The following MARK4 variants were observed in gnomAD, a reference collection of about 807,000 sequenced individuals.
The protein encoded by MARK4 is MAP/microtubule affinity-regulating kinase 4.
In MARK4, 19 loss-of-function variants were observed where a neutral mutation model predicts 81.5. The observed-to-expected ratio is 0.23, with a 90% CI of 0.16 to 0.34. The LOEUF is 0.34. MARK4 is among the 10% of genes least tolerant of loss of function. MARK4 has a pLI of 1.00. For missense variants in MARK4, 772 were observed against 1,058.8 expected (o/e 0.73, Z 3.76); for synonymous variants, 436 against 439.0 (o/e 0.99, Z 0.08).
intron 8 of MARK4, among the ~76,000 whole-genome samples, chr19:45,272,182 A>G (rs1970537196): frequency 6.6e-6 from 1 of 152,078 alleles, no homozygotes; most frequent in African/African-American, 2.4e-5. Flanking sequence ...AAATACAAAA[A>G]TTAACCGGGC....
intron 15 of MARK4, 108 bp downstream of exon 15, chr19:45,298,062 CTCCTCCTCCTCCTCGTT>C: frequency 1.3e-6 from 2 of 1,522,866 alleles, no homozygotes. Context: ...CCTCTTCCTC[CTCCTCCTCCTCCTCGTT>C]TCCTCCTCCT....
chr19:45,283,752 G>A (rs1970707702), intron 12 of MARK4, among the ~76,000 whole-genome samples: 1 of 152,140 alleles, frequency 6.6e-6, no homozygotes, highest in Non-Finnish European at 1.5e-5. Flanking sequence ...CCGTGTTTTT[G>A]TGTGGCTGTG....
intron 12 of MARK4, among the ~76,000 whole-genome samples, chr19:45,282,613 G>A (rs536614419): frequency 1.3e-5 from 2 of 152,094 alleles, no homozygotes; most frequent in African/African-American, 4.8e-5. Flanking sequence ...GGATCACGAG[G>A]TCAGGAGTTC....
intron 7 of MARK4, among the ~76,000 whole-genome samples, chr19:45,268,160 G>A (rs1970479692): frequency 6.6e-6 from 1 of 152,126 alleles, no homozygotes; most frequent in Admixed American, 6.6e-5. Flanking sequence ...TTCCTATGGA[G>A]GACCAGGCGC....
chr19:45,257,383 C>CTTTTTTT (rs35210904), intron 1 of MARK4, among the ~76,000 whole-genome samples: 5 of 124,386 alleles, frequency 4.0e-5, no homozygotes, highest in Non-Finnish European at 5.0e-5. Context: ...TTTTCTTTCT[C>CTTTTTTT]TTTTTTTTTT....
rs577422094 is a variant in MARK4 at position 45,271,415 on chromosome 19, C to G, written c.550-57C>G. 6.5e-7 allele frequency: 1 copy of G among 1,550,366 alleles called. No individual in the cohort carries two copies. Among genetic ancestry groups the G allele is most frequent in the South Asian group, 1.2e-5 (1 of 85,114 alleles). ...CTGTGCTCCTGTCTGCCTCCCACGT[C>G]CATGAAAGGCTTTGGCCTTGAGTCC... On this transcript the variant is annotated intron_variant, in intron 7 of 16. Coordinates refer to ENST00000262891, the MANE Select transcript of MARK4 (RefSeq NM_001199867.2). This position sits in a 1 kb window ranked among gnomAD's most constrained non-coding sequence, Gnocchi z 4.1.
At chr19:45,275,352 G>A (rs980723565) in intron 8 of MARK4, among the ~76,000 whole-genome samples, 10 of 152,156 alleles carry the variant, frequency 6.6e-5, no homozygotes, top group African/African-American at 1.4e-4. Context: ...TGGCATTGTG[G>A]TGCATGCCTG....
At chr19:45,298,291 G>A (rs571468033) in intron 15 of MARK4, 18 of 1,522,622 alleles carry the variant, frequency 1.2e-5, no homozygotes, top group East Asian at 2.3e-5. Flanking sequence ...CTGTGTGTGC[G>A]GGCATTGGGA....
At chr19:45,293,600 G>A (rs549628334) in intron 13 of MARK4, among the ~76,000 whole-genome samples, 2 of 152,346 alleles carry the variant, frequency 1.3e-5, no homozygotes, top group South Asian at 2.1e-4. Flanking sequence ...ACTCCCACCA[G>A]TGGAATTCTT....
At chr19:45,299,563 C>G (rs573105145) in intron 15 of MARK4, among the ~76,000 whole-genome samples, 5 of 152,212 alleles carry the variant, frequency 3.3e-5, no homozygotes, top group Non-Finnish European at 7.3e-5. Context: ...AAGGGTGTGT[C>G]TCTGCCCACT....
Position 45,302,565 on chromosome 19 carries a change from G to T in MARK4, c.2114G>T (p.Gly705Val). 6.3e-7 allele frequency: 1 copy of T among 1,578,060 alleles called. No homozygotes were observed. The highest frequency in any genetic ancestry group is 8.5e-7 in the Non-Finnish European group (1 of 1,169,682). ...LLACLHGGAG[G>V]PEPLSHFEVE... ...GCCTGCCTGCACGGGGGTGCGGGCG[G>T]GCCCGAGCCCCTGTCCCACTTCGAA... Residue 705 changes from glycine to valine, a missense_variant, in exon 17 of 17, where the codon GGG becomes GTG. By Grantham distance (109) the Gly-to-Val change is moderately radical. Around this residue, in one of 3 missense-constraint regions of MARK4, gnomAD observed 548 missense variants for 624.3 expected, o/e 0.88. Coordinates refer to ENST00000262891, the MANE Select transcript of MARK4 (RefSeq NM_001199867.2). The surrounding 1 kb of genome is among the most constrained non-coding windows in gnomAD (Gnocchi z 4.9).
In MARK4 at chr19:45,251,323, C is replaced by T. The variant is rs1970235270; in HGVS notation, c.-266C>T. The T allele has an allele frequency of 6.5e-6, 1 of 152,902 alleles. No homozygotes were observed. The highest frequency in any genetic ancestry group is 1.9e-4 in the South Asian group (1 of 5,402). 9.5% of individuals were successfully genotyped at this position (152,902 alleles called of 1,614,324 possible). On this transcript the variant is annotated 5_prime_UTR_variant, in exon 1 of 17. Transcript: ENST00000262891. ...CCTCCGCCGCCGCTTGGGCCGGCTC[C>T]GCGCCCCCTCCGCGGCCCCCGCCCG... is the stretch of plus-strand genomic sequence containing the variant.
rs140158030 is a variant in MARK4, at chr19:45,271,669, C to G, written c.747C>G (p.Leu249=). 5 of 1,614,000 alleles carry G rather than the reference C, an allele frequency of 3.1e-6. No individual in the cohort carries two copies. The highest frequency in any genetic ancestry group is 3.4e-6 in the Non-Finnish European group (4 of 1,180,014). The change falls in exon 8 of 17, where the codon CTC becomes CTG. Residue 249 remains leucine, a synonymous_variant. Transcript: ENST00000262891. The surrounding 1 kb of genome is among the most constrained non-coding windows in gnomAD (Gnocchi z 4.1). ...GCCTGGGAGTCATCCTGTACACCCT[C>G]GTCAGCGGCTCCCTGCCCTTCGACG... The part of the protein sequence containing the change: ...IWSLGVILYT[L]VSGSLPFDGH...
intron 2 of MARK4, among the ~76,000 whole-genome samples, chr19:45,262,103 C>T (rs1334392239): frequency 1.3e-5 from 2 of 152,126 alleles, no homozygotes; most frequent in Non-Finnish European, 2.9e-5. Context: ...AATTTACTAG[C>T]CATGTAACTT....
intron 13 of MARK4, among the ~76,000 whole-genome samples, chr19:45,290,640 T>C (rs561924396): frequency 2.6e-5 from 4 of 152,380 alleles, no homozygotes; most frequent in Admixed American, 1.3e-4. Context: ...TGACCAGCTT[T>C]AACTGTCCCT....
At chr19:45,299,513 G>A (rs1024570049) in intron 15 of MARK4, among the ~76,000 whole-genome samples, 6 of 152,202 alleles carry the variant, frequency 3.9e-5, no homozygotes, top group African/African-American at 9.7e-5. Flanking sequence ...GCACACGTGC[G>A]TGTGTCTCTC....
chr19:45,262,126 T>G (rs1033383130), intron 2 of MARK4, among the ~76,000 whole-genome samples: 1 of 152,118 alleles, frequency 6.6e-6, no homozygotes, highest in Non-Finnish European at 1.5e-5. Flanking sequence ...GCCAAATGAC[T>G]AAACAGCTCT....
chr19:45,295,751 C>G (rs1409490755), intron 14 of MARK4, among the ~76,000 whole-genome samples: 3 of 152,130 alleles, frequency 2.0e-5, no homozygotes, highest in African/African-American at 4.8e-5. Context: ...TGTACTCCAG[C>G]CTGAGCCACA....
At chr19:45,283,685 C>T (rs1032552291) in intron 12 of MARK4, among the ~76,000 whole-genome samples, 4 of 152,146 alleles carry the variant, frequency 2.6e-5, no homozygotes, top group African/African-American at 7.2e-5. Context: ...TTCATGAACA[C>T]GTGGATTGCC....
Sources: allele counts gnomAD v4.1 joint callset (sites outside exome capture counted in the v4.1 genomes callset), GRCh38; gene constraint gnomAD v4.1.1; regional missense constraint gnomAD v4.1.1; non-coding constraint Gnocchi (gnomAD v3.1); transcripts MANE v1.5; gene names NCBI Gene and HGNC (gene_info 2026-07-23, HGNC 2026-07-21).